The following EDIL3 variants were observed in gnomAD, a reference collection of about 807,000 sequenced individuals.
EDIL3 encodes the protein EGF-like repeat and discoidin I-like domain-containing protein 3.
EDIL3 carries 37 observed loss-of-function variants against 67.4 expected under a neutral mutation model. That is an observed-to-expected ratio of 0.55 (90% confidence interval 0.42 to 0.72). The LOEUF is 0.72. Among genes scored for constraint, EDIL3 ranks in the 30% least tolerant of loss-of-function variants. EDIL3 has a pLI of 0.00. For synonymous variants in EDIL3, 195 were observed against 196.3 expected (o/e 0.99, Z 0.05); for missense variants, 527 against 586.3 (o/e 0.90, Z 1.04).
At chr5:84,192,437 T>C (rs777478340) in intron 3 of EDIL3, among the ~76,000 whole-genome samples, 2 of 152,038 alleles carry the variant, frequency 1.3e-5, no homozygotes, top group African/African-American at 2.4e-5. Context: ...TTTGCATTCC[T>C]AGAACTTTGC....
In EDIL3 at chr5:83,943,022, A is replaced by G. The variant is rs1744252719; in HGVS notation, c.*397T>C. 5.3e-6 allele frequency: 1 copy of G among 188,924 alleles called. No individual in the cohort carries two copies. The highest frequency in any genetic ancestry group is 9.1e-5 in the South Asian group (1 of 10,944). 11.7% of individuals were successfully genotyped at this position (188,924 alleles called of 1,614,324 possible). A position where few individuals can be genotyped will look rare whatever the true frequency, so the allele number is the denominator to read the frequency against. The stretch of plus-strand genomic sequence containing the variant: ...CTAACATTGCAGTATTCCTTTTATC[A>G]GAATTAGGTGAGTATTGATTGTAAA... On this transcript the variant is annotated 3_prime_UTR_variant, in exon 11 of 11. Transcript: ENST00000296591.
At chr5:84,373,717 C>T (rs1206244537) in intron 1 of EDIL3, among the ~76,000 whole-genome samples, 1 of 151,548 alleles carries the variant, frequency 6.6e-6, no homozygotes, top group Non-Finnish European at 1.5e-5. Context: ...GGGAAAAACA[C>T]ATAAGAAGGA....
chr5:84,112,294 T>C (rs1747578720), intron 5 of EDIL3, among the ~76,000 whole-genome samples: 1 of 152,024 alleles, frequency 6.6e-6, no homozygotes, highest in Non-Finnish European at 1.5e-5. Flanking sequence ...TGAAAAATAA[T>C]GCAGATCTGA....
chr5:84,124,430 A>C (rs776819002), intron 5 of EDIL3, among the ~76,000 whole-genome samples: 7 of 151,884 alleles, frequency 4.6e-5, no homozygotes, highest in Non-Finnish European at 7.4e-5. Flanking sequence ...TAATCAGAAA[A>C]CATGTTTAAG....
intron 1 of EDIL3, among the ~76,000 whole-genome samples, chr5:84,309,053 C>T (rs1580069124): frequency 6.6e-6 from 1 of 152,116 alleles, no homozygotes; most frequent in Non-Finnish European, 1.5e-5. Flanking sequence ...AATGTACTTA[C>T]ATTTCCTCTC....
intron 2 of EDIL3, among the ~76,000 whole-genome samples, chr5:84,241,159 CT>C (rs1223332428): frequency 1.3e-5 from 2 of 152,156 alleles, no homozygotes; most frequent in African/African-American, 4.8e-5. Context: ...ATATGCCTGT[CT>C]TACCCTTTCT....
intron 9 of EDIL3, among the ~76,000 whole-genome samples, chr5:84,032,507 C>T (rs1017959463): frequency 6.6e-6 from 1 of 151,358 alleles, no homozygotes; most frequent in Non-Finnish European, 1.5e-5. Context: ...TCATCACATT[C>T]TTTTTTTTTA....
At chr5:84,123,186 G>T (rs1038538323) in intron 5 of EDIL3, among the ~76,000 whole-genome samples, 1 of 151,938 alleles carries the variant, frequency 6.6e-6, no homozygotes, top group Admixed American at 6.6e-5. Context: ...TATTTTCAAT[G>T]CTAACATCTT....
chr5:84,055,115 C>T (rs948804333), intron 9 of EDIL3, among the ~76,000 whole-genome samples: 10 of 145,670 alleles, frequency 6.9e-5, no homozygotes, highest in African/African-American at 1.9e-4. Flanking sequence ...ACAGAGATAC[C>T]GACCAATGGA....
chr5:84,105,433 C>A (rs1486752080), intron 6 of EDIL3, among the ~76,000 whole-genome samples: 1 of 151,992 alleles, frequency 6.6e-6, no homozygotes, highest in Non-Finnish European at 1.5e-5. Flanking sequence ...GAGATTTTGG[C>A]CCAGTTTTTC....
chr5:84,137,648 T>A (rs1748117891), intron 4 of EDIL3, among the ~76,000 whole-genome samples: 3 of 152,170 alleles, frequency 2.0e-5, no homozygotes, highest in Admixed American at 1.3e-4. Flanking sequence ...ATTCAGTGTA[T>A]CCTTAGAATT....
intron 6 of EDIL3, among the ~76,000 whole-genome samples, chr5:84,087,320 C>T (rs1446213981): frequency 1.3e-5 from 2 of 152,146 alleles, no homozygotes; most frequent in Non-Finnish European, 2.9e-5. Context: ...AGAAGACATA[C>T]CTTTGAGTGG....
chr5:84,353,618 ATAAT>A (rs1259126103), intron 1 of EDIL3, among the ~76,000 whole-genome samples: 1 of 152,222 alleles, frequency 6.6e-6, no homozygotes, highest in Non-Finnish European at 1.5e-5. Context: ...CAAAGAATAA[ATAAT>A]TGATTGCTTG....
In EDIL3 at chr5:84,229,877, A is replaced by C; in HGVS notation, c.204T>G (p.Asp68Glu). The C allele has an allele frequency of 6.3e-7, 1 of 1,598,306 alleles. No individual in the cohort carries two copies. Among genetic ancestry groups the C allele is most frequent in the Admixed American group, 1.7e-5 (1 of 58,726 alleles). The part of the protein sequence containing the change: ...NCSSVVEVAS[D>E]EEEPTSAGPC... ...TACCTGCTGAAGTTGGTTCTTCTTC[A>C]TCTGATGCTATGATAAGAGGAAAAG... Residue 68 changes from aspartate (D) to glutamate (E), a missense_variant, in exon 3 of 11, where the codon GAT (aspartate) becomes GAG (glutamate). Around this residue, in one of 2 missense-constraint regions of EDIL3, gnomAD observed 494 missense variants for 522.5 expected, o/e 0.95. Coordinates refer to ENST00000296591, the MANE Select transcript of EDIL3 (RefSeq NM_005711.5).
intron 1 of EDIL3, among the ~76,000 whole-genome samples, chr5:84,296,981 G>C (rs1314440367): frequency 6.6e-6 from 1 of 152,060 alleles, no homozygotes; most frequent in Non-Finnish European, 1.5e-5. Context: ...AGGAGATCGA[G>C]ACCATCCTGG....
chr5:84,066,843 G>T (rs1204347008), intron 6 of EDIL3, among the ~76,000 whole-genome samples: 1 of 152,088 alleles, frequency 6.6e-6, no homozygotes, highest in Admixed American at 6.6e-5. Flanking sequence ...TTTGAAAAGG[G>T]CAATGTGCCC....
At chr5:84,129,494 A>G (rs1053448717) in intron 5 of EDIL3, among the ~76,000 whole-genome samples, 1 of 152,040 alleles carries the variant, frequency 6.6e-6, no homozygotes, top group Non-Finnish European at 1.5e-5. Flanking sequence ...TGTTCACAAA[A>G]GGTATCAGCC....
intron 9 of EDIL3, among the ~76,000 whole-genome samples, chr5:83,982,152 T>G (rs1744980891): frequency 1.3e-5 from 2 of 152,090 alleles, no homozygotes; most frequent in South Asian, 2.1e-4. Context: ...AGTATCAAAA[T>G]TTGATGAAAC....
intron 1 of EDIL3, among the ~76,000 whole-genome samples, chr5:84,358,900 G>A (rs938476523): frequency 2.0e-5 from 3 of 152,158 alleles, no homozygotes; most frequent in Admixed American, 2.0e-4. Context: ...GTAAGCCACC[G>A]CACCCAGCTA....
Sources: gnomAD v4.1 joint callset for allele counts (sites outside exome capture counted in the v4.1 genomes callset) on GRCh38, gnomAD v4.1.1 for gene constraint, gnomAD v4.1.1 regional missense constraint, MANE v1.5 for transcripts, NCBI Gene and HGNC (gene_info 2026-07-23, HGNC 2026-07-21) for gene names.